RNF150: variants seen among roughly 807,000 people sequenced by gnomAD.
RNF150 encodes the protein ring finger protein 150.
RNF150 carries 24 observed loss-of-function variants against 39.3 expected under a neutral mutation model. The ratio of observed to expected loss-of-function variants is 0.61; its 90% CI spans 0.44 to 0.86. The LOEUF is 0.86. RNF150 is among the 40% of genes least tolerant of loss of function. RNF150 has a pLI of 0.00. For synonymous variants in RNF150, 255 were observed against 227.3 expected, an observed-to-expected ratio of 1.12 and a Z score of -1.10; for missense variants, 502 against 587.8, an observed-to-expected ratio of 0.85 and a Z score of 1.51.
intron 2 of RNF150, among the ~76,000 whole-genome samples, chr4:140,965,291 G>A (rs1320949640): frequency 6.6e-6 from 1 of 152,054 alleles, no homozygotes; most frequent in Non-Finnish European, 1.5e-5. Context: ...CTGTTGGTGG[G>A]AATGTAGATG....
At chr4:140,914,655 A>C (rs1730743660) in intron 5 of RNF150, among the ~76,000 whole-genome samples, 1 of 152,228 alleles carries the variant, frequency 6.6e-6, no homozygotes, top group Non-Finnish European at 1.5e-5. Flanking sequence ...CATTCTATCA[A>C]GACAGACCTA....
intron 6 of RNF150, among the ~76,000 whole-genome samples, chr4:140,893,949 A>G (rs1729850044): frequency 6.6e-6 from 1 of 152,226 alleles, no homozygotes; most frequent in Non-Finnish European, 1.5e-5. Context: ...CAAATTCCCT[A>G]AACAAGTCCA....
intron 1 of RNF150, among the ~76,000 whole-genome samples, chr4:141,130,539 T>C (rs1318017388): frequency 6.6e-6 from 1 of 152,210 alleles, no homozygotes; most frequent in African/African-American, 2.4e-5. Flanking sequence ...AAGCCATTAA[T>C]TGATCCAATG....
intron 1 of RNF150, among the ~76,000 whole-genome samples, chr4:141,212,558 G>A (rs576922540): frequency 1.1e-4 from 17 of 152,210 alleles, no homozygotes; most frequent in African/African-American, 4.1e-4. Context: ...AGACAACACA[G>A]AAAACCATTC....
intron 1 of RNF150, among the ~76,000 whole-genome samples, chr4:140,996,658 T>A (rs1047335732): frequency 2.6e-5 from 4 of 152,224 alleles, no homozygotes; most frequent in African/African-American, 4.8e-5. Flanking sequence ...TCTGTTACCA[T>A]TAGAGAAGCA....
intron 1 of RNF150, among the ~76,000 whole-genome samples, chr4:141,002,611 C>T (rs953225527): frequency 3.9e-5 from 6 of 151,996 alleles, no homozygotes; most frequent in African/African-American, 9.7e-5. Flanking sequence ...TGGCCTAATA[C>T]CACTGACAAA....
intron 6 of RNF150, 92 bp downstream of exon 6, chr4:140,911,052 A>G: frequency 1.0e-6 from 1 of 991,124 alleles, no homozygotes; most frequent in Non-Finnish European, 1.6e-6. Flanking sequence ...CTCATTCAAT[A>G]TTTTTTTCTT....
chr4:141,116,137 CA>C (rs1739542353), intron 1 of RNF150, among the ~76,000 whole-genome samples: 2 of 152,232 alleles, frequency 1.3e-5, no homozygotes, highest in Non-Finnish European at 2.9e-5. Flanking sequence ...CCAAAATTGA[CA>C]AATGGAATCT....
At chr4:141,035,805 T>A (rs954227907) in intron 1 of RNF150, among the ~76,000 whole-genome samples, 8 of 152,154 alleles carry the variant, frequency 5.3e-5, no homozygotes, top group Non-Finnish European at 5.9e-5. Flanking sequence ...ATGGTGTCAT[T>A]TCAATTTAAC....
At chr4:141,144,147 G>A (rs1271310453) in intron 1 of RNF150, among the ~76,000 whole-genome samples, 2 of 152,122 alleles carry the variant, frequency 1.3e-5, no homozygotes, top group African/African-American at 2.4e-5. Flanking sequence ...AACTTTTAGT[G>A]AGGGAAACCC....
chr4:141,106,978 T>A (rs1020352201), intron 1 of RNF150, among the ~76,000 whole-genome samples: 3 of 152,172 alleles, frequency 2.0e-5, no homozygotes, highest in Admixed American at 1.3e-4. Context: ...TAGAGTATAA[T>A]CTTTAAATCT....
intron 1 of RNF150, among the ~76,000 whole-genome samples, chr4:140,968,142 C>T (rs747143869): frequency 1.3e-4 from 20 of 152,150 alleles, no homozygotes; most frequent in Non-Finnish European, 2.6e-4. Flanking sequence ...CATAATCTTG[C>T]GATGCCCTTT....
chr4:140,902,387 T>A (rs13127111), intron 6 of RNF150, among the ~76,000 whole-genome samples: 54,803 of 152,056 alleles, frequency 0.36, 10,197 homozygotes, highest in Non-Finnish European at 0.4. Context: ...AAATACAGCA[T>A]GAAAAAGGAA....
chr4:141,160,446 C>A (rs1417849643), intron 1 of RNF150, among the ~76,000 whole-genome samples: 1 of 152,126 alleles, frequency 6.6e-6, no homozygotes, highest in Non-Finnish European at 1.5e-5. Flanking sequence ...AGTGTCTTTG[C>A]AAAGTATCAT....
At chr4:141,169,536 A>T (rs1023172321) in intron 1 of RNF150, among the ~76,000 whole-genome samples, 3 of 152,226 alleles carry the variant, frequency 2.0e-5, no homozygotes, top group Non-Finnish European at 4.4e-5. Context: ...AAGGAGAAAC[A>T]AAATACTCAC....
chr4:141,172,994 T>G (rs1285609855), intron 1 of RNF150, among the ~76,000 whole-genome samples: 1 of 151,622 alleles, frequency 6.6e-6, no homozygotes, highest in East Asian at 1.9e-4. Flanking sequence ...GCATTGCACT[T>G]CAGCCTGGGC....
chr4:141,073,825 G>A (rs901459709), intron 1 of RNF150, among the ~76,000 whole-genome samples: 8 of 152,076 alleles, frequency 5.3e-5, no homozygotes, highest in Admixed American at 4.6e-4. Flanking sequence ...TACCTAAAAC[G>A]CAAGGGATAA....
chr4:140,951,577 CA>C (rs1732543379), intron 2 of RNF150, among the ~76,000 whole-genome samples: 1 of 138,802 alleles, frequency 7.2e-6, no homozygotes, highest in African/African-American at 2.7e-5. Context: ...GCAAGGAAAA[CA>C]ACCTGAGAAA....
chr4:140,929,374 T>G (rs1165805294), intron 4 of RNF150, among the ~76,000 whole-genome samples: 3 of 140,796 alleles, frequency 2.1e-5, no homozygotes, highest in African/African-American at 5.4e-5. Context: ...TTTTTTTTTT[T>G]TTTTTTTTTT....
Sources: allele counts gnomAD v4.1 joint callset (sites outside exome capture counted in the v4.1 genomes callset), GRCh38; gene constraint gnomAD v4.1.1; transcripts MANE v1.5; gene names NCBI Gene and HGNC (gene_info 2026-07-23, HGNC 2026-07-21).